The following CNTNAP5 variants were observed in gnomAD, a reference collection of about 807,000 sequenced individuals.
CNTNAP5 encodes contactin-associated protein-like 5.
CNTNAP5 carries 72 observed loss-of-function variants against 150.2 expected under a neutral mutation model. The observed-to-expected ratio is 0.48, with a 90% confidence interval of 0.40 to 0.58. The LOEUF is 0.58. CNTNAP5 is among the 20% of genes least tolerant of loss of function. CNTNAP5 has a pLI of 0.00. For missense variants in CNTNAP5, 1,636 were observed against 1,626.2 expected, an observed-to-expected ratio of 1.01 and a Z score of -0.10; for synonymous variants, 672 against 619.8, an observed-to-expected ratio of 1.08 and a Z score of -1.25.
chr2:124,591,078 G>A (rs935260463), intron 11 of CNTNAP5, among the ~76,000 whole-genome samples: 1 of 152,102 alleles, frequency 6.6e-6, no homozygotes, highest in African/African-American at 2.4e-5. Context: ...ATTCTGAAGA[G>A]ACTTAATATG....
At chr2:124,322,603 C>T (rs1422392711) in intron 3 of CNTNAP5, among the ~76,000 whole-genome samples, 1 of 152,188 alleles carries the variant, frequency 6.6e-6, no homozygotes, top group Non-Finnish European at 1.5e-5. Flanking sequence ...TCAGGGTCAT[C>T]GGTATGTGTG....
At chr2:124,169,475 C>T (rs1684882662) in intron 1 of CNTNAP5, among the ~76,000 whole-genome samples, 1 of 152,146 alleles carries the variant, frequency 6.6e-6, no homozygotes, top group South Asian at 2.1e-4. Context: ...CCTGTAAAGG[C>T]TCTTGAGTTA....
chr2:124,062,896 T>C (rs1008536419), intron 1 of CNTNAP5, among the ~76,000 whole-genome samples: 3 of 152,168 alleles, frequency 2.0e-5, no homozygotes, highest in African/African-American at 7.2e-5. Context: ...AGCAGTCATA[T>C]TTATCTCTGC....
intron 1 of CNTNAP5, among the ~76,000 whole-genome samples, chr2:124,128,668 C>T (rs1683773240): frequency 6.6e-6 from 1 of 152,146 alleles, no homozygotes; most frequent in African/African-American, 2.4e-5. Context: ...ACCCAAATGT[C>T]CATCAATGAT....
intron 13 of CNTNAP5, among the ~76,000 whole-genome samples, chr2:124,709,533 GT>G (rs1679763462): frequency 6.6e-6 from 1 of 152,160 alleles, no homozygotes; most frequent in Non-Finnish European, 1.5e-5. Flanking sequence ...GGGAAGTAAA[GT>G]TGGTTCAAAG....
intron 1 of CNTNAP5, among the ~76,000 whole-genome samples, chr2:124,055,888 C>A (rs1398264902): frequency 6.6e-6 from 1 of 152,112 alleles, no homozygotes; most frequent in East Asian, 1.9e-4. Context: ...ATACTTATTT[C>A]TATCCTCAAT....
chr2:124,385,304 G>A (rs887209394), intron 3 of CNTNAP5, among the ~76,000 whole-genome samples: 112 of 152,244 alleles, frequency 7.4e-4, no homozygotes, highest in African/African-American at 2.5e-3. Flanking sequence ...TAGTGAATAT[G>A]TGCCTATTAT....
At chr2:124,902,560 C>T (rs1045181773) in intron 21 of CNTNAP5, among the ~76,000 whole-genome samples, 3 of 152,000 alleles carry the variant, frequency 2.0e-5, no homozygotes, top group African/African-American at 7.2e-5. Context: ...TTATAAAGCA[C>T]CTAAAATACA....
chr2:124,338,286 T>C (rs1689526771), intron 3 of CNTNAP5, among the ~76,000 whole-genome samples: 1 of 152,218 alleles, frequency 6.6e-6, no homozygotes. Context: ...TGGCATTTTC[T>C]AGATAAACAA....
intron 13 of CNTNAP5, among the ~76,000 whole-genome samples, chr2:124,703,220 TCTTC>T (rs1053241200): frequency 5.9e-5 from 8 of 136,656 alleles, no homozygotes; most frequent in African/African-American, 2.1e-4. Context: ...CTCTCTTTCT[TCTTC>T]CTTCCTTCCT....
At chr2:124,044,023 G>T (rs1681461693) in intron 1 of CNTNAP5, among the ~76,000 whole-genome samples, 1 of 152,054 alleles carries the variant, frequency 6.6e-6, no homozygotes, top group Non-Finnish European at 1.5e-5. Flanking sequence ...AATCCTTAAT[G>T]CTTGTACAGT....
chr2:124,477,824 G>A (rs1291389899), intron 7 of CNTNAP5, among the ~76,000 whole-genome samples: 1 of 151,966 alleles, frequency 6.6e-6, no homozygotes, highest in Non-Finnish European at 1.5e-5. Context: ...GCACTACATT[G>A]AAATCATGCA....
intron 1 of CNTNAP5, among the ~76,000 whole-genome samples, chr2:124,196,838 C>T (rs1335119689): frequency 6.6e-6 from 1 of 152,208 alleles, no homozygotes; most frequent in Non-Finnish European, 1.5e-5. Context: ...GCACTGTCCC[C>T]AAGCCCTGGG....
chr2:124,400,906 C>A (rs1691406000), intron 3 of CNTNAP5, among the ~76,000 whole-genome samples: 1 of 151,932 alleles, frequency 6.6e-6, no homozygotes, highest in Non-Finnish European at 1.5e-5. Flanking sequence ...GAGTCTCGCT[C>A]TGTTGCCCAG....
chr2:124,714,931 A>G (rs1469148156), intron 13 of CNTNAP5, among the ~76,000 whole-genome samples: 2 of 152,180 alleles, frequency 1.3e-5, no homozygotes, highest in East Asian at 3.9e-4. Context: ...TGATCTTTTC[A>G]GCAGAACTCC....
At chr2:124,602,113 G>A (rs1696998884) in intron 11 of CNTNAP5, among the ~76,000 whole-genome samples, 1 of 152,108 alleles carries the variant, frequency 6.6e-6, no homozygotes, top group South Asian at 2.1e-4. Context: ...GGGAGGCCGA[G>A]GCGGGTGGAT....
rs568768477 is a variant in CNTNAP5, at chr2:124,069,896, A to T, written c.82+44164A>T. On this transcript the variant is annotated intron_variant, in intron 1 of 23. Coordinates refer to ENST00000682447, the MANE Select transcript of CNTNAP5 (RefSeq NM_001367498.1). ...AGCGCACAGAGAAACACAGAATATT[A>T]TAACAGTGTAATTGTCGTATATAAA... Among the ~76,000 whole-genome samples, 27 of 152,336 alleles carry T rather than the reference A, an allele frequency of 1.8e-4. No individual in the cohort carries two copies. The South Asian group carries it at 2.9e-3, about 16-fold the overall frequency.
At chr2:124,265,417 C>T (rs115282406) in intron 3 of CNTNAP5, among the ~76,000 whole-genome samples, 1 of 152,140 alleles carries the variant, frequency 6.6e-6, no homozygotes, top group African/African-American at 2.4e-5. Context: ...TATCGCCCCT[C>T]ATGACCATGG....
chr2:124,058,267 G>A (rs756289928), intron 1 of CNTNAP5, among the ~76,000 whole-genome samples: 1 of 152,090 alleles, frequency 6.6e-6, no homozygotes, highest in Non-Finnish European at 1.5e-5. Context: ...GTTATATAAG[G>A]TTTTGCATAA....
Sources: gnomAD v4.1 joint callset for allele counts (sites outside exome capture counted in the v4.1 genomes callset) on GRCh38, gnomAD v4.1.1 for gene constraint, MANE v1.5 for transcripts, NCBI Gene and HGNC (gene_info 2026-07-23, HGNC 2026-07-21) for gene names.